The following MTMR10 variants were observed in gnomAD, a reference collection of about 807,000 sequenced individuals.
The protein encoded by MTMR10 is myotubularin-related protein 10.
Under a neutral mutation model 88.1 loss-of-function variants are expected in MTMR10, and 56 were observed. The observed-to-expected ratio is 0.64, with a 90% CI of 0.51 to 0.79. The LOEUF is 0.79. Ranked by LOEUF, MTMR10 falls within the 30% of genes least tolerant of loss-of-function variation. The pLI, the probability that MTMR10 is intolerant of heterozygous loss-of-function variation, is 0.00. For synonymous variants in MTMR10, 380 were observed against 340.9 expected (o/e 1.11, Z -1.26); for missense variants, 883 against 924.7 (o/e 0.95, Z 0.58).
At chr15:30,925,690 T>A in the MTMR10 span, 1 of 1,352,492 alleles carries the variant, frequency 7.4e-7, no homozygotes, top group Admixed American at 1.8e-5. Context: ...AGTGACTGAC[T>A]TTGTGGTAAG....
intron 2 of MTMR10, among the ~76,000 whole-genome samples, chr15:30,983,507 T>C (rs924115542): frequency 6.6e-6 from 1 of 152,262 alleles, no homozygotes; most frequent in South Asian, 2.1e-4. Context: ...TAACACCTTA[T>C]ACATTTAGAA....
At chr15:30,920,708 G>T in the MTMR10 span, 1 of 1,013,784 alleles carries the variant, frequency 9.9e-7, no homozygotes, top group South Asian at 1.4e-5. Flanking sequence ...CGTTAAACAT[G>T]TGAAGGGACA....
At position 30,954,802 on chromosome 15, in the gene MTMR10, GTACTTCT is replaced by G. The variant is rs756087768; in HGVS notation, c.1020_1026del (p.Gln340HisfsTer6). The G allele has an allele frequency of 1.9e-6, 3 of 1,602,224 alleles. No individual in the cohort carries two copies. Among genetic ancestry groups the G allele is most frequent in the Non-Finnish European group, 2.6e-6 (3 of 1,173,932 alleles). On this transcript the variant is annotated frameshift_variant, in exon 10 of 16. Coordinates refer to ENST00000435680, the MANE Select transcript of MTMR10 (RefSeq NM_017762.3). LOFTEE classifies it high-confidence loss of function. ...TGCTTCAGTTTTACAAATGCTGCCT[GTACTTCT>G]TGAATATTAGGCAAGGTCTTATCCA...
the MTMR10 span, chr15:30,927,411 C>T: frequency 1.0e-6 from 1 of 985,588 alleles, no homozygotes. Context: ...GAACCGCTGT[C>T]CTTTTGAATC....
rs2063021202 is a variant in MTMR10, at chr15:30,940,835, A to T, written c.*635T>A. 1.0e-6 allele frequency: 1 copy of T among 988,946 alleles called. No individual in the cohort carries two copies. The highest frequency in any genetic ancestry group is 6.0e-5 in the Admixed American group (1 of 16,656). The allele number at this position is 988,946 out of a possible 1,614,324, so 61.3% of individuals were successfully genotyped here. A position where few individuals can be genotyped will look rare whatever the true frequency, so the allele number is the denominator to read the frequency against. On this transcript the variant is annotated 3_prime_UTR_variant, in exon 16 of 16. Transcript: ENST00000435680. ...TAAAGTCAAAGGCACTTCTAAGTTT[A>T]ATTATCTGCAGCAAATGCTTTAAAA...
At chr15:30,991,145 T>C (rs1271576089) in intron 1 of MTMR10, 4 of 493,346 alleles carry the variant, frequency 8.1e-6, no homozygotes, top group Non-Finnish European at 1.4e-5. Context: ...GGAGGGTCGA[T>C]GGGTTGGAAA....
chr15:30,919,606 A>G, the MTMR10 span, among the ~76,000 whole-genome samples: 1 of 151,238 alleles, frequency 6.6e-6, no homozygotes, highest in Admixed American at 6.6e-5. Context: ...GGAGAATCAC[A>G]TGAACCTGGG....
downstream of MTMR10, chr15:30,937,392 C>A: frequency 2.7e-6 from 2 of 740,420 alleles, no homozygotes; most frequent in Admixed American, 3.2e-5. Context: ...GTCTGCATAT[C>A]ACAAAACAGT....
chr15:30,943,095 T>G, intron 14 of MTMR10, 23 bp from the exon 15 acceptor site: 2 of 1,527,268 alleles, frequency 1.3e-6, no homozygotes, highest in Non-Finnish European at 1.8e-6. Flanking sequence ...TAAATAAATA[T>G]TTGCAAAACT....
At chr15:30,973,492 A>G (rs1293805888) in intron 5 of MTMR10, among the ~76,000 whole-genome samples, 1 of 152,168 alleles carries the variant, frequency 6.6e-6, no homozygotes, top group Non-Finnish European at 1.5e-5. Context: ...GATTTACTGC[A>G]GTCAGTTGAC....
chr15:30,943,392 G>GAATT (rs2063115499), intron 14 of MTMR10: 1 of 984,472 alleles, frequency 1.0e-6, no homozygotes, highest in African/African-American at 1.7e-5. Context: ...TAAACATGTT[G>GAATT]AATTTATTTC....
At chr15:30,928,124 C>G in the MTMR10 span, 3 of 1,003,136 alleles carry the variant, frequency 3.0e-6, no homozygotes, top group African/African-American at 3.5e-5. Flanking sequence ...CTTAGGGAAG[C>G]ATTTCTTCAG....
At chr15:30,925,039 A>G in the MTMR10 span, 1 of 1,389,550 alleles carries the variant, frequency 7.2e-7, no homozygotes, top group Non-Finnish European at 9.8e-7. Flanking sequence ...ATTCAATAAT[A>G]AACAGTGGGC....
chr15:30,977,087 G>T, intron 2 of MTMR10, 132 bp from the exon 3 acceptor site: 1 of 799,688 alleles, frequency 1.3e-6, no homozygotes, highest in Non-Finnish European at 2.0e-6. Context: ...CCCACCAGGT[G>T]CCAGGCACTG....
intron 15 of MTMR10, 50 bp downstream of exon 15, chr15:30,942,840 G>GTGTT (rs1214353724): frequency 6.7e-7 from 1 of 1,484,112 alleles, no homozygotes; most frequent in Non-Finnish European, 9.1e-7. Context: ...TGAAAAAGAG[G>GTGTT]TGTTTGGTTA....
intron 14 of MTMR10, among the ~76,000 whole-genome samples, chr15:30,945,533 C>T (rs1417142671): frequency 4.7e-5 from 5 of 105,616 alleles, no homozygotes; most frequent in Non-Finnish European, 7.9e-5. Context: ...GCCTCACGCA[C>T]CTTTTGCAGG....
At chr15:30,982,945 A>G (rs1431023660) in intron 2 of MTMR10, among the ~76,000 whole-genome samples, 1 of 152,258 alleles carries the variant, frequency 6.6e-6, no homozygotes, top group African/African-American at 2.4e-5. Context: ...CTCTTCCCAG[A>G]TAGGATATAT....
Position 30,941,211 on chromosome 15 carries a change from G to T in MTMR10, c.*259C>A. ...AAAAATGGATGGAGACAAAAATGTAGCAGACAACATGAACAGTTTGATCAC... is the reference window on the plus strand; with the variant it reads ...AAAAATGGATGGAGACAAAAATGTATCAGACAACATGAACAGTTTGATCAC... On this transcript the variant is annotated 3_prime_UTR_variant, in exon 16 of 16. Coordinates refer to ENST00000435680, the MANE Select transcript of MTMR10 (RefSeq NM_017762.3). 1 of 1,379,968 alleles carries T rather than the reference G, an allele frequency of 7.2e-7. No individual in the cohort carries two copies. The highest frequency in any genetic ancestry group is 9.5e-7 in the Non-Finnish European group (1 of 1,048,718). 85.5% of individuals were successfully genotyped at this position (1,379,968 alleles called of 1,614,324 possible). A position where few individuals can be genotyped will look rare whatever the true frequency, so the allele number is the denominator to read the frequency against.
intron 13 of MTMR10, among the ~76,000 whole-genome samples, chr15:30,947,972 T>C (rs2063194937): frequency 6.6e-6 from 1 of 152,226 alleles, no homozygotes; most frequent in Non-Finnish European, 1.5e-5. Context: ...ATGTATCCCA[T>C]TTTAAGAAAA....
Sources: gnomAD v4.1 joint callset for allele counts (sites outside exome capture counted in the v4.1 genomes callset) on GRCh38, gnomAD v4.1.1 for gene constraint, MANE v1.5 for transcripts, NCBI Gene and HGNC (gene_info 2026-07-23, HGNC 2026-07-21) for gene names.